ARB2A: variants seen among roughly 807,000 people sequenced by gnomAD.
ARB2A encodes the protein ARB2 cotranscriptional regulator A.
At chr5:93,762,547 T>G in the ARB2A span, among the ~76,000 whole-genome samples, 1 of 152,160 alleles carries the variant, frequency 6.6e-6, no homozygotes, top group Non-Finnish European at 1.5e-5. Context: ...AATATGGGAC[T>G]ATGTGAAAAG....
At chr5:93,682,323 G>C in the ARB2A span, among the ~76,000 whole-genome samples, 1 of 148,688 alleles carries the variant, frequency 6.7e-6, no homozygotes, top group African/African-American at 2.5e-5. Flanking sequence ...ACTAATATTT[G>C]TCATTGCAAT....
chr5:93,676,498 A>T, the ARB2A span, among the ~76,000 whole-genome samples: 2 of 152,170 alleles, frequency 1.3e-5, no homozygotes, highest in African/African-American at 4.8e-5. Flanking sequence ...ACTGTTTTTA[A>T]TCGAGTTTTG....
chr5:94,084,205 C>A, the ARB2A span, among the ~76,000 whole-genome samples: 486 of 140,774 alleles, frequency 3.5e-3, 3 homozygotes, highest in African/African-American at 0.012. Context: ...ACCCAAGAGG[C>A]AGAGGTCGCA....
the ARB2A span, among the ~76,000 whole-genome samples, chr5:93,732,880 T>A: frequency 1.3e-5 from 2 of 151,768 alleles, no homozygotes; most frequent in South Asian, 4.1e-4. Context: ...CAGCAAAAAT[T>A]CTAAAAAAAA....
chr5:93,972,610 T>C, the ARB2A span, among the ~76,000 whole-genome samples: 5 of 151,958 alleles, frequency 3.3e-5, no homozygotes. Flanking sequence ...CTAACCAGAA[T>C]AAAAATTCTG....
the ARB2A span, chr5:94,055,737 C>T: frequency 1.7e-4 from 167 of 985,284 alleles, no homozygotes; most frequent in Non-Finnish European, 2.0e-4. Context: ...AGAATGTTCT[C>T]ATTTTCCTTC....
the ARB2A span, among the ~76,000 whole-genome samples, chr5:93,793,239 ATTTTTTTT>A: frequency 4.0e-4 from 26 of 64,778 alleles, no homozygotes; most frequent in Middle Eastern, 0.013. Context: ...CTTCTGGCTA[ATTTTTTTT>A]TTTTTTTTTT....
chr5:94,010,394 A>G, the ARB2A span, among the ~76,000 whole-genome samples: 1 of 152,144 alleles, frequency 6.6e-6, no homozygotes, highest in Non-Finnish European at 1.5e-5. Context: ...CATATTGTAT[A>G]TAGTCAGAAA....
chr5:93,982,210 T>C, the ARB2A span, among the ~76,000 whole-genome samples: 1 of 152,176 alleles, frequency 6.6e-6, no homozygotes, highest in South Asian at 2.1e-4. Context: ...CAGGTCTCAT[T>C]TTTCTGTTTC....
the ARB2A span, chr5:93,741,414 G>C: frequency 1.2e-6 from 2 of 1,613,408 alleles, no homozygotes; most frequent in Middle Eastern, 1.7e-4. Context: ...TCCCTGGCCT[G>C]ACTGCCGGCC....
the ARB2A span, among the ~76,000 whole-genome samples, chr5:93,965,463 T>A: frequency 6.6e-6 from 1 of 152,172 alleles, no homozygotes; most frequent in East Asian, 1.9e-4. Context: ...ATGGGACTTC[T>A]GATCTACAGA....
the ARB2A span, among the ~76,000 whole-genome samples, chr5:93,830,431 A>G: frequency 6.7e-6 from 1 of 149,826 alleles, no homozygotes; most frequent in African/African-American, 2.5e-5. Flanking sequence ...GTATGCCATG[A>G]TCCTGGCCTT....
the ARB2A span, among the ~76,000 whole-genome samples, chr5:93,926,281 C>G: frequency 2.0e-5 from 3 of 152,130 alleles, 1 homozygote; most frequent in Admixed American, 2.0e-4. Flanking sequence ...AGGCATGTGC[C>G]ACCATGCCCA....
chr5:93,772,639 A>G, the ARB2A span, among the ~76,000 whole-genome samples: 194 of 152,294 alleles, frequency 1.3e-3, 5 homozygotes, highest in South Asian at 0.03. Context: ...GGTTTCTCAC[A>G]AGACTACAAT....
At chr5:93,997,774 T>A in the ARB2A span, among the ~76,000 whole-genome samples, 1 of 152,038 alleles carries the variant, frequency 6.6e-6, no homozygotes, top group African/African-American at 2.4e-5. Context: ...TGTAAACATC[T>A]TAAAATCAAC....
the ARB2A span, chr5:93,824,354 C>T: frequency 1.2e-6 from 1 of 864,702 alleles, no homozygotes; most frequent in South Asian, 3.1e-5. Context: ...CTTGCATACA[C>T]AGCATATGAA....
At chr5:93,819,009 A>T in the ARB2A span, among the ~76,000 whole-genome samples, 11 of 151,674 alleles carry the variant, frequency 7.3e-5, no homozygotes, top group Non-Finnish European at 1.2e-4. Context: ...AACACGGTGA[A>T]ACCCCGTCTC....
At chr5:93,855,287 C>CT in the ARB2A span, among the ~76,000 whole-genome samples, 1 of 151,904 alleles carries the variant, frequency 6.6e-6, no homozygotes, top group Non-Finnish European at 1.5e-5. Context: ...CAACCCCTGC[C>CT]TTTTTTTGTT....
At chr5:93,773,225 T>C in the ARB2A span, among the ~76,000 whole-genome samples, 1 of 152,196 alleles carries the variant, frequency 6.6e-6, no homozygotes, top group Admixed American at 6.5e-5. Flanking sequence ...GACATAATAA[T>C]AATTCCTTTG....
Sources: allele counts gnomAD v4.1 joint callset (sites outside exome capture counted in the v4.1 genomes callset), GRCh38; gene constraint gnomAD v4.1.1; transcripts MANE v1.5; gene names NCBI Gene and HGNC (gene_info 2026-07-23, HGNC 2026-07-21).